The following OR8H1 variants were observed in gnomAD, a reference collection of about 807,000 sequenced individuals.
OR8H1 encodes the protein olfactory receptor 8H1.
For missense variants in OR8H1, 388 were observed against 374.1 expected (o/e 1.04, Z -0.31); for synonymous variants, 135 against 134.5 (o/e 1.00, Z -0.03).
rs754102841 is a variant in OR8H1 at position 56,290,487 on chromosome 11, G to C, written c.576C>G (p.Tyr192Ter). The C allele has an allele frequency of 1.4e-5, 23 of 1,614,060 alleles. No individual in the cohort carries two copies. Among genetic ancestry groups the C allele is most frequent in the Non-Finnish European group, 1.9e-5 (23 of 1,179,988 alleles). Residue 192 changes from tyrosine to a stop codon, truncating the protein, a stop_gained, in exon 2 of 2, where the codon TAC becomes TAG. Transcript: ENST00000641600. LOFTEE classifies it low-confidence loss of function (END_TRUNC). Reference protein sequence around the residue: ...PILALSCMDTYDIEIMIHILA... With the variant: ...PILALSCMDT ...AAATGTGTATCATGATTTCAATGTCGTATGTGTCCATGCAGGACAGAGCTA... is the reference window on the plus strand; with the variant it reads ...AAATGTGTATCATGATTTCAATGTCCTATGTGTCCATGCAGGACAGAGCTA...
At chr11:56,291,112 T>C in intron 1 of OR8H1, 28 bp from the exon 2 acceptor site, 6 of 1,308,508 alleles carry the variant, frequency 4.6e-6, no homozygotes, top group Non-Finnish European at 6.3e-6. Context: ...ATACTTAACA[T>C]GAATGACTTC....
At chr11:56,291,201 G>T (rs1301304927) in intron 1 of OR8H1, 117 bp from the exon 2 acceptor site, 1 of 631,468 alleles carries the variant, frequency 1.6e-6, no homozygotes, top group East Asian at 2.8e-5. Flanking sequence ...TTTATAGAAT[G>T]TGACCTTAAA....
In OR8H1 at chr11:56,291,045, G is replaced by C. The variant is rs931898843; in HGVS notation, c.18C>G (p.Asn6Lys). Residue 6 changes from asparagine (N) to lysine (K), a missense_variant, in exon 2 of 2, where the codon AAC becomes AAG. Transcript: ENST00000641600. MGRRN[N>K]TNVPDFILTG... ...TAAGGATGAAGTCAGGCACATTTGT[G>C]TTATTTCTTCTACCCATGATGTTCA... The C allele has an allele frequency of 1.8e-5, 29 of 1,595,248 alleles. No homozygotes were observed. Among genetic ancestry groups the C allele is most frequent in the Non-Finnish European group, 2.5e-5 (29 of 1,172,086 alleles).
At chr11:56,291,333 A>G (rs1194905002) in intron 1 of OR8H1, among the ~76,000 whole-genome samples, 1 of 152,178 alleles carries the variant, frequency 6.6e-6, no homozygotes, top group Non-Finnish European at 1.5e-5. Context: ...TTCCTTTATT[A>G]ATACATTTAA....
intron 1 of OR8H1, 42 bp from the exon 2 acceptor site, chr11:56,291,126 AG>A (rs1324654270): frequency 8.5e-7 from 1 of 1,173,078 alleles, no homozygotes; most frequent in Non-Finnish European, 1.2e-6. Context: ...TGACTTCAAA[AG>A]GTTTCTGATT....
rs1590823301 is a variant in OR8H1 at position 56,288,525 on chromosome 11, T to C, written c.*1602A>G. 2 of 152,150 alleles carry C rather than the reference T, an allele frequency of 1.3e-5. No homozygotes were observed. The highest frequency in any genetic ancestry group is 2.9e-5 in the Non-Finnish European group (2 of 67,944). The allele number at this position is 152,150 out of a possible 1,614,324, so 9.4% of individuals were successfully genotyped here. Reference sequence around the variant, plus strand: ...TTAACAAAGAAACAGTTTGACTCTTTACAGAAGTCAAGTTTTCAAATGTTT... The same window carrying C: ...TTAACAAAGAAACAGTTTGACTCTTCACAGAAGTCAAGTTTTCAAATGTTT... On this transcript the variant is annotated 3_prime_UTR_variant, in exon 2 of 2. Coordinates refer to ENST00000641600, the MANE Select transcript of OR8H1 (RefSeq NM_001005199.2).
chr11:56,290,012 A>G lies in OR8H1; in HGVS notation c.*115T>C. On this transcript the variant is annotated 3_prime_UTR_variant, in exon 2 of 2. Coordinates refer to ENST00000641600, the MANE Select transcript of OR8H1 (RefSeq NM_001005199.2). ...CACGTTTAGTCAAGCAAAGGTTAGC[A>G]CAACAGAAATGCAAACATGAAGGAT... is the stretch of plus-strand genomic sequence containing the variant. 1.1e-6 allele frequency: 1 copy of G among 895,690 alleles called. No homozygotes were observed. Among genetic ancestry groups the G allele is most frequent in the South Asian group, 1.3e-5 (1 of 75,452 alleles). 55.5% of individuals were successfully genotyped at this position (895,690 alleles called of 1,614,324 possible). A position where few individuals can be genotyped will look rare whatever the true frequency, so the allele number is the denominator to read the frequency against.
rs778412172 is a variant in OR8H1 at position 56,290,103 on chromosome 11, T to A, written c.*24A>T. On this transcript the variant is annotated 3_prime_UTR_variant, in exon 2 of 2. Transcript: ENST00000641600. ...AAAAGAAAGAAAAGATGAGTTTAAA[T>A]GTTCAGCATTCCTGCTATTTTAATT... is the stretch of plus-strand genomic sequence containing the variant. 6.5e-7 allele frequency: 1 copy of A among 1,533,296 alleles called. No individual in the cohort carries two copies. Among genetic ancestry groups the A allele is most frequent in the East Asian group, 2.2e-5 (1 of 44,468 alleles). 95.0% of individuals were successfully genotyped at this position (1,533,296 alleles called of 1,614,324 possible). A position where few individuals can be genotyped will look rare whatever the true frequency, so the allele number is the denominator to read the frequency against.
chr11:56,291,232 T>C (rs1374815401), intron 1 of OR8H1, 148 bp from the exon 2 acceptor site: 2 of 565,444 alleles, frequency 3.5e-6, no homozygotes, highest in African/African-American at 1.9e-5. Context: ...ATTGCCAATG[T>C]AGATAAAAGT....
In OR8H1 at chr11:56,289,056, A is replaced by C. The variant is rs941050634; in HGVS notation, c.*1071T>G. The C allele has an allele frequency of 2.6e-5, 4 of 152,050 alleles. No individual in the cohort carries two copies. The highest frequency in any genetic ancestry group is 4.4e-5 in the Non-Finnish European group (3 of 67,962). 9.4% of individuals were successfully genotyped at this position (152,050 alleles called of 1,614,324 possible). On this transcript the variant is annotated 3_prime_UTR_variant, in exon 2 of 2. Transcript: ENST00000641600. Reference sequence around the variant, plus strand: ...GTCCAAATTGTGAACTACTGATATTATCTTTTTTTTTCCTTTTTAGTTGCT... The same window carrying C: ...GTCCAAATTGTGAACTACTGATATTCTCTTTTTTTTTCCTTTTTAGTTGCT...
rs1465687556 is a variant in OR8H1, at chr11:56,291,969, G to A, written c.-41C>T. On this transcript the variant is annotated 5_prime_UTR_variant, in exon 1 of 2. It introduces an in-frame stop codon into an upstream open reading frame of the 5' UTR. Coordinates refer to ENST00000641600, the MANE Select transcript of OR8H1 (RefSeq NM_001005199.2). ...TACTTACCGTGTCTGAGCCAAAGTT[G>A]GTGAAAAAGCTTTCTTCTCATATTA... The A allele has an allele frequency of 6.6e-6, 1 of 151,978 alleles. No individual in the cohort carries two copies. The highest frequency in any genetic ancestry group is 1.5e-5 in the Non-Finnish European group (1 of 67,974). The allele number at this position is 151,978 out of a possible 1,614,324, so 9.4% of individuals were successfully genotyped here.
rs11600896 is a variant in OR8H1 at position 56,291,059 on chromosome 11, C to T, written c.4G>A (p.Gly2Ser). The change falls in exon 2 of 2, where the codon GGT becomes AGT. Residue 2 changes from glycine to serine, a missense_variant. Physicochemically the swap from Gly to Ser is moderately conservative, Grantham distance 56 (BLOSUM62 0). Coordinates refer to ENST00000641600, the MANE Select transcript of OR8H1 (RefSeq NM_001005199.2). ...GGCACATTTGTGTTATTTCTTCTAC[C>T]CATGATGTTCAATTGCTTTAAACTG... is the stretch of plus-strand genomic sequence containing the variant. MGRRNNTNVPDF... is the reference protein window; with the variant it reads MSRRNNTNVPDF... 0.13 allele frequency: 202,799 copies of T among 1,576,080 alleles called. 13,889 individuals are homozygous for T. Among genetic ancestry groups the T allele is most frequent in the Middle Eastern group, 0.16 (927 of 5,834 alleles).
At position 56,289,842 on chromosome 11, in the gene OR8H1, A is replaced by G; in HGVS notation, c.*285T>C. On this transcript the variant is annotated 3_prime_UTR_variant, in exon 2 of 2. Transcript: ENST00000641600. ...TTCATCATGGCTAGGCTGGTCTTGA[A>G]CTTCTGACCTCATGTGATCCACCCA... 4.8e-6 allele frequency: 2 copies of G among 419,858 alleles called. No homozygotes were observed. Among genetic ancestry groups the G allele is most frequent in the South Asian group, 4.8e-5 (2 of 41,668 alleles). The allele number at this position is 419,858 out of a possible 1,614,324, so 26.0% of individuals were successfully genotyped here.
In OR8H1 at chr11:56,289,324, T is replaced by C. The variant is rs1854108210; in HGVS notation, c.*803A>G. On this transcript the variant is annotated 3_prime_UTR_variant, in exon 2 of 2. Transcript: ENST00000641600. ...ATTCTGGGTTGTATAGCTGAAAATGTAGCATATTTAGAATCTAACTCTTGG... is the reference window on the plus strand; with the variant it reads ...ATTCTGGGTTGTATAGCTGAAAATGCAGCATATTTAGAATCTAACTCTTGG... 1 of 152,176 alleles carries C rather than the reference T, an allele frequency of 6.6e-6. No homozygotes were observed. Among genetic ancestry groups the C allele is most frequent in the Admixed American group, 6.5e-5 (1 of 15,280 alleles). The allele number at this position is 152,176 out of a possible 1,614,324, so 9.4% of individuals were successfully genotyped here.
rs1392017587 is a variant in OR8H1, at chr11:56,289,478, C to A, written c.*649G>T. ...TTGTTTTCCATAATAAATTTACCTA[C>A]AACTGAAGTATGCATAGGAATTTGT... On this transcript the variant is annotated 3_prime_UTR_variant, in exon 2 of 2. Transcript: ENST00000641600. The A allele has an allele frequency of 1.3e-5, 2 of 152,322 alleles. No homozygotes were observed. The highest frequency in any genetic ancestry group is 2.9e-5 in the Non-Finnish European group (2 of 68,132). 9.4% of individuals were successfully genotyped at this position (152,322 alleles called of 1,614,324 possible). A position where few individuals can be genotyped will look rare whatever the true frequency, so the allele number is the denominator to read the frequency against.
intron 1 of OR8H1, among the ~76,000 whole-genome samples, chr11:56,291,653 CTT>C (rs992789468): frequency 1.3e-4 from 20 of 152,186 alleles, no homozygotes; most frequent in Admixed American, 2.0e-4. Flanking sequence ...AAATTTCACA[CTT>C]AAGGATTTTA....
chr11:56,289,248 T>C lies in OR8H1; in HGVS notation c.*879A>G, dbSNP rs1358545110. The C allele has an allele frequency of 6.6e-6, 1 of 152,202 alleles. No individual in the cohort carries two copies. The highest frequency in any genetic ancestry group is 1.5e-5 in the Non-Finnish European group (1 of 68,018). The allele number at this position is 152,202 out of a possible 1,614,324, so 9.4% of individuals were successfully genotyped here. On this transcript the variant is annotated 3_prime_UTR_variant, in exon 2 of 2. Transcript: ENST00000641600. ...TACTCTCTGATCAAATTTGGAGTTA[T>C]TATTTATCTTGTGCACTTAAGGAAA... is the stretch of plus-strand genomic sequence containing the variant.
Position 56,289,581 on chromosome 11 carries a change from A to T in OR8H1, c.*546T>A, listed in dbSNP as rs1854111198. On this transcript the variant is annotated 3_prime_UTR_variant, in exon 2 of 2. Transcript: ENST00000641600. Reference sequence around the variant, plus strand: ...TTCTAAAAACATATATTTAGACTGTAAATATGACACACATATTATTATTTT... The same window carrying T: ...TTCTAAAAACATATATTTAGACTGTTAATATGACACACATATTATTATTTT... 6.4e-6 allele frequency: 1 copy of T among 155,336 alleles called. No individual in the cohort carries two copies. The highest frequency in any genetic ancestry group is 1.4e-5 in the Non-Finnish European group (1 of 70,166). The allele number at this position is 155,336 out of a possible 1,614,324, so 9.6% of individuals were successfully genotyped here. A position where few individuals can be genotyped will look rare whatever the true frequency, so the allele number is the denominator to read the frequency against.
At position 56,289,926 on chromosome 11, in the gene OR8H1, T is replaced by C. The variant is rs928925439; in HGVS notation, c.*201A>G. 3 of 634,268 alleles carry C rather than the reference T, an allele frequency of 4.7e-6. No individual in the cohort carries two copies. The African/African-American group carries it at 5.5e-5, about 12-fold the overall frequency. The allele number at this position is 634,268 out of a possible 1,614,324, so 39.3% of individuals were successfully genotyped here. ...TGAGCCACCGTGCCCGGCCAACACA[T>C]ATTATGATTTCTAATTACAATCTGG... is the stretch of plus-strand genomic sequence containing the variant. On this transcript the variant is annotated 3_prime_UTR_variant, in exon 2 of 2. Coordinates refer to ENST00000641600, the MANE Select transcript of OR8H1 (RefSeq NM_001005199.2).
Sources: allele counts gnomAD v4.1 joint callset (sites outside exome capture counted in the v4.1 genomes callset), GRCh38; gene constraint gnomAD v4.1.1; transcripts MANE v1.5; gene names NCBI Gene and HGNC (gene_info 2026-07-23, HGNC 2026-07-21).